The following TMPRSS12 variants were observed in gnomAD, a reference collection of about 807,000 sequenced individuals.
TMPRSS12 encodes transmembrane protease serine 12.
In TMPRSS12, 25 loss-of-function variants were observed where a neutral mutation model predicts 26.0. That is an observed-to-expected ratio of 0.96 (90% CI 0.70 to 1.34). The LOEUF is 1.34. TMPRSS12 is among the 40% of genes most tolerant of loss of function. TMPRSS12 has a pLI of 0.00. For missense variants in TMPRSS12, 441 were observed against 440.1 expected (o/e 1.00, Z -0.02); for synonymous variants, 150 against 161.7 (o/e 0.93, Z 0.55).
chr12:50,858,784 G>C lies in TMPRSS12; in HGVS notation c.384-1G>C. ...TAATAAGAATGTTTACTTTCTTTCA[G>C]CGATCCTTTAATGTGGACAGCTGTG... is the stretch of plus-strand genomic sequence containing the variant. On this transcript the variant is annotated splice_acceptor_variant, in intron 2 of 4. Coordinates refer to ENST00000398458, the MANE Select transcript of TMPRSS12 (RefSeq NM_182559.3). LOFTEE classifies it high-confidence loss of function. 6.5e-7 allele frequency: 1 copy of C among 1,531,138 alleles called. No homozygotes were observed. Among genetic ancestry groups the C allele is most frequent in the South Asian group, 1.3e-5 (1 of 75,952 alleles). 94.8% of individuals were successfully genotyped at this position (1,531,138 alleles called of 1,614,324 possible).
rs1431237173 is a variant in TMPRSS12 at position 50,887,645 on chromosome 12, A to G, written c.*132A>G. 4.2e-6 allele frequency: 5 copies of G among 1,176,806 alleles called. No individual in the cohort carries two copies. The highest frequency in any genetic ancestry group is 5.9e-6 in the Non-Finnish European group (5 of 848,354). The allele number at this position is 1,176,806 out of a possible 1,614,324, so 72.9% of individuals were successfully genotyped here. A position where few individuals can be genotyped will look rare whatever the true frequency, so the allele number is the denominator to read the frequency against. On this transcript the variant is annotated 3_prime_UTR_variant, in exon 5 of 5. Coordinates refer to ENST00000398458, the MANE Select transcript of TMPRSS12 (RefSeq NM_182559.3). Reference sequence around the variant, plus strand: ...ATTTCATGTGAACATTTTATGGGCTATAAGTATTGTGACAGATATACAATT... The same window carrying G: ...ATTTCATGTGAACATTTTATGGGCTGTAAGTATTGTGACAGATATACAATT...
chr12:50,865,957 G>C (rs1388943258), intron 3 of TMPRSS12, among the ~76,000 whole-genome samples: 2 of 152,108 alleles, frequency 1.3e-5, no homozygotes, highest in African/African-American at 4.8e-5. Flanking sequence ...TGGCAGATGG[G>C]AGGCAGAACT....
At position 50,887,635 on chromosome 12, in the gene TMPRSS12, T is replaced by C; in HGVS notation, c.*122T>C. 7.9e-7 allele frequency: 1 copy of C among 1,263,824 alleles called. No homozygotes were observed. Among genetic ancestry groups the C allele is most frequent in the South Asian group, 1.5e-5 (1 of 66,708 alleles). 78.3% of individuals were successfully genotyped at this position (1,263,824 alleles called of 1,614,324 possible). ...TACATTAGAGATTTCATGTGAACAT[T>C]TTATGGGCTATAAGTATTGTGACAG... On this transcript the variant is annotated 3_prime_UTR_variant, in exon 5 of 5. Transcript: ENST00000398458.
intron 4 of TMPRSS12, chr12:50,887,004 G>A: frequency 2.5e-6 from 1 of 394,916 alleles, no homozygotes. Context: ...TTGATTTATA[G>A]TATTCTGGCT....
intron 3 of TMPRSS12, among the ~76,000 whole-genome samples, chr12:50,880,861 A>G (rs1038103686): frequency 3.3e-5 from 5 of 151,910 alleles, no homozygotes; most frequent in Admixed American, 2.0e-4. Flanking sequence ...ACCTTGGTAT[A>G]TAGCTAAATG....
rs781041466 is a variant in TMPRSS12, at chr12:50,843,031, T to G, written c.67T>G (p.Tyr23Asp). The change falls in exon 1 of 5, where the codon TAC (tyrosine) becomes GAC (aspartate). Residue 23 changes from tyrosine (Y) to aspartate (D), a missense_variant. By Grantham distance (160) the Tyr-to-Asp change is radical (BLOSUM62 -3). Coordinates refer to ENST00000398458, the MANE Select transcript of TMPRSS12 (RefSeq NM_182559.3). ...GAGCTCTCACTTATACTCAGACCACTACTCGCCCTCTGGAAGGCACAGGCT... is the reference window on the plus strand; with the variant it reads ...GAGCTCTCACTTATACTCAGACCACGACTCGCCCTCTGGAAGGCACAGGCT... ...VGSSHLYSDHYSPSGRHRLGP... is the reference protein window; with the variant it reads ...VGSSHLYSDHDSPSGRHRLGP... 1 of 1,606,428 alleles carries G rather than the reference T, an allele frequency of 6.2e-7. No homozygotes were observed. The highest frequency in any genetic ancestry group is 2.2e-5 in the East Asian group (1 of 44,612).
intron 2 of TMPRSS12, among the ~76,000 whole-genome samples, chr12:50,853,975 C>T (rs918137909): frequency 1.3e-5 from 2 of 152,050 alleles, no homozygotes; most frequent in Non-Finnish European, 2.9e-5. Flanking sequence ...ATTCATTCTA[C>T]AAAGCCAGCA....
At chr12:50,884,468 G>A (rs1393918547) in intron 3 of TMPRSS12, among the ~76,000 whole-genome samples, 4 of 152,136 alleles carry the variant, frequency 2.6e-5, no homozygotes. Flanking sequence ...GCCTCCCAAA[G>A]TGCTGGGATG....
At chr12:50,843,192 C>A (rs1205944433) in intron 1 of TMPRSS12, 41 bp downstream of exon 1, 2 of 1,500,436 alleles carry the variant, frequency 1.3e-6, no homozygotes, top group South Asian at 1.3e-5. Flanking sequence ...GCCTCTCTTA[C>A]CTTTTCCCCA....
intron 2 of TMPRSS12, among the ~76,000 whole-genome samples, chr12:50,853,581 C>CAAAA (rs34657217): frequency 6.0e-3 from 601 of 99,790 alleles, no homozygotes; most frequent in Non-Finnish European, 7.3e-3. Context: ...GCTAGACTAA[C>CAAAA]AAAAAAAAAA....
intron 3 of TMPRSS12, among the ~76,000 whole-genome samples, chr12:50,872,954 T>C (rs114272709): frequency 0.013 from 1,643 of 123,424 alleles, 16 homozygotes; most frequent in South Asian, 0.019. Context: ...ATATATGACG[T>C]ATATATATGT....
intron 3 of TMPRSS12, among the ~76,000 whole-genome samples, chr12:50,878,073 T>C (rs903863574): frequency 1.3e-5 from 2 of 152,164 alleles, no homozygotes. Flanking sequence ...TCAATGTTGT[T>C]AATACGGCAA....
chr12:50,874,062 A>C (rs551103453), intron 3 of TMPRSS12, among the ~76,000 whole-genome samples: 12 of 152,064 alleles, frequency 7.9e-5, no homozygotes, highest in African/African-American at 2.9e-4. Context: ...AACTTGTAAC[A>C]AGTACATAAA....
intron 3 of TMPRSS12, among the ~76,000 whole-genome samples, chr12:50,874,647 T>G (rs980662235): frequency 2.0e-5 from 3 of 152,176 alleles, no homozygotes; most frequent in African/African-American, 7.2e-5. Context: ...AATGGTATGA[T>G]TCTATGCCTA....
intron 3 of TMPRSS12, among the ~76,000 whole-genome samples, chr12:50,874,301 A>G (rs1178451110): frequency 3.3e-5 from 5 of 152,278 alleles, no homozygotes; most frequent in African/African-American, 1.2e-4. Flanking sequence ...ATGAATAAAG[A>G]CTCAAAAATC....
chr12:50,887,320 T>C lies in TMPRSS12; in HGVS notation c.854T>C (p.Met285Thr), dbSNP rs771113690. 1.2e-5 allele frequency: 20 copies of C among 1,613,954 alleles called. No individual in the cohort carries two copies. Among genetic ancestry groups the C allele is most frequent in the Non-Finnish European group, 1.7e-5 (20 of 1,179,866 alleles). The change falls in exon 5 of 5, where the codon ATG (methionine) becomes ACG (threonine). Residue 285 changes from methionine (M) to threonine (T), a missense_variant. Met to Thr is a moderately conservative substitution (Grantham distance 81). Transcript: ENST00000398458. ...CCAGAATATAAAAGATTTTTTGTAATGGGAATTACCAGTTACGGACATGGC... is the reference window on the plus strand; with the variant it reads ...CCAGAATATAAAAGATTTTTTGTAACGGGAATTACCAGTTACGGACATGGC... ...YLPEYKRFFV[M>T]GITSYGHGCG...
chr12:50,872,649 C>CATATATATGACGTATATGCACAT lies in TMPRSS12; in HGVS notation c.653-12591_653-12590insATGACGTATATGCACATATATAT, dbSNP rs146159837. Among the ~76,000 whole-genome samples, 4 of 52,502 alleles carry CATATATATGACGTATATGCACAT rather than the reference C, an allele frequency of 7.6e-5. No individual in the cohort carries two copies. The South Asian group carries it at 1.9e-3, about 25-fold the overall frequency. The allele number at this position is 52,502 out of a possible 152,430, so 34.4% of individuals were successfully genotyped here. ...TGTACATATATATGACGTATATGTA[C>CATATATATGACGTATATGCACAT]ATATATGACGTATATGTACATATAT... On this transcript the variant is annotated intron_variant, in intron 3 of 4. Transcript: ENST00000398458.
intron 2 of TMPRSS12, among the ~76,000 whole-genome samples, chr12:50,848,634 A>T (rs1014400772): frequency 6.6e-6 from 1 of 152,146 alleles, no homozygotes; most frequent in Non-Finnish European, 1.5e-5. Context: ...TGGCCTTCTC[A>T]TCAATTTTCA....
At chr12:50,863,042 G>A (rs1937952997) in intron 3 of TMPRSS12, among the ~76,000 whole-genome samples, 1 of 151,782 alleles carries the variant, frequency 6.6e-6, no homozygotes, top group African/African-American at 2.4e-5. Flanking sequence ...AAATTAGCCA[G>A]GTATGGTAGT....
Sources: allele counts gnomAD v4.1 joint callset (sites outside exome capture counted in the v4.1 genomes callset), GRCh38; gene constraint gnomAD v4.1.1; transcripts MANE v1.5; gene names NCBI Gene and HGNC (gene_info 2026-07-23, HGNC 2026-07-21).